The following ZNF875 variants were observed in gnomAD, a reference collection of about 807,000 sequenced individuals.
The protein encoded by ZNF875 is HKR1, GLI-Kruppel zinc finger family member.
A neutral mutation model predicts 11.2 loss-of-function variants in ZNF875; 14 were observed. The observed-to-expected ratio is 1.26, with a 90% CI of 0.83 to 1.96. The LOEUF (loss-of-function observed/expected upper bound fraction) is 1.96, where lower values mean the gene tolerates loss of function less well. ZNF875 is among the 30% of genes most tolerant of loss of function. The pLI is 0.00. For missense variants in ZNF875, 752 were observed against 760.4 expected (o/e 0.99, Z 0.13); for synonymous variants, 301 against 281.1 (o/e 1.07, Z -0.71).
At chr19:37,350,139 G>C (rs1196742929) in intron 4 of ZNF875, among the ~76,000 whole-genome samples, 2 of 112,002 alleles carry the variant, frequency 1.8e-5, no homozygotes, top group Non-Finnish European at 3.4e-5. Context: ...TTAATACAGA[G>C]TCTCGCTCTG....
intron 2 of ZNF875, among the ~76,000 whole-genome samples, chr19:37,338,178 A>G (rs568460674): frequency 6.4e-4 from 98 of 152,262 alleles, no homozygotes; most frequent in African/African-American, 2.3e-3. Flanking sequence ...GCTGCAGTGC[A>G]GTGGCACGAT....
At chr19:37,341,707 G>T (rs887919808) in intron 2 of ZNF875, among the ~76,000 whole-genome samples, 4 of 152,088 alleles carry the variant, frequency 2.6e-5, no homozygotes, top group Admixed American at 6.5e-5. Context: ...CCCCTCCCAA[G>T]ATCCCCAAAA....
chr19:37,334,530 G>T (rs1672012309), upstream of ZNF875: 3 of 364,588 alleles, frequency 8.2e-6, no homozygotes, highest in Admixed American at 7.0e-5. Context: ...GTCACCCTGT[G>T]TGGTGGGCAA....
At chr19:37,336,801 G>T (rs541994290) in intron 2 of ZNF875, among the ~76,000 whole-genome samples, 1 of 151,746 alleles carries the variant, frequency 6.6e-6, no homozygotes, top group African/African-American at 2.4e-5. Flanking sequence ...CCAGCTACTC[G>T]GGAGGCTGAG....
At chr19:37,343,572 C>T (rs1600077375) in intron 2 of ZNF875, among the ~76,000 whole-genome samples, 2 of 152,194 alleles carry the variant, frequency 1.3e-5, no homozygotes, top group South Asian at 4.2e-4. Context: ...TGGGATGCTT[C>T]AATTCCTGGT....
intron 4 of ZNF875, among the ~76,000 whole-genome samples, chr19:37,350,978 A>G (rs572369490): frequency 2.0e-5 from 3 of 151,696 alleles, no homozygotes; most frequent in African/African-American, 7.2e-5. Context: ...CTAATTTTGT[A>G]TTTTTAGTAG....
chr19:37,358,978 G>A (rs2039445078), intron 4 of ZNF875, among the ~76,000 whole-genome samples: 1 of 151,756 alleles, frequency 6.6e-6, no homozygotes, highest in Non-Finnish European at 1.5e-5. Flanking sequence ...TCGGCTCACT[G>A]CAACCTCTGC....
At chr19:37,315,624 C>T (rs2030145627), upstream of ZNF875, 2 of 151,994 alleles carry the variant, frequency 1.3e-5, no homozygotes, top group Admixed American at 6.6e-5. Flanking sequence ...TGAGTCAGTC[C>T]GTCGCGATTC....
intron 4 of ZNF875, among the ~76,000 whole-genome samples, chr19:37,354,516 T>G (rs1045355710): frequency 2.0e-5 from 3 of 151,986 alleles, no homozygotes; most frequent in African/African-American, 7.3e-5. Flanking sequence ...GTTAGTGGGC[T>G]TCCTCATACT....
chr19:37,324,499 T>C (rs1256111843), intron 4 of ZNF875, among the ~76,000 whole-genome samples: 8 of 152,190 alleles, frequency 5.3e-5, no homozygotes, highest in African/African-American at 9.7e-5. Flanking sequence ...CCTGAGTAGT[T>C]TCCAGGTTAA....
At chr19:37,324,810 T>G (rs996611278) in intron 4 of ZNF875, 4 of 164,320 alleles carry the variant, frequency 2.4e-5, no homozygotes, top group African/African-American at 9.7e-5. Flanking sequence ...AGTCTCGCTC[T>G]GTTGCCCAGG....
chr19:37,328,013 G>A (rs1599896943), intron 4 of ZNF875, among the ~76,000 whole-genome samples: 1 of 152,078 alleles, frequency 6.6e-6, no homozygotes. Context: ...AGGCCAAGGC[G>A]GGCGGATCAC....
upstream of ZNF875, among the ~76,000 whole-genome samples, chr19:37,315,859 T>G (rs1256120353): frequency 1.3e-5 from 2 of 152,028 alleles, no homozygotes; most frequent in Admixed American, 6.6e-5. Flanking sequence ...TCTGGAAAGA[T>G]TTCTCTAGAG....
Position 37,362,515 on chromosome 19 carries a change from A to C in ZNF875, c.663A>C (p.Ser221=), listed in dbSNP as rs1428644388. The change falls in exon 5 of 5, where the codon TCA becomes TCC. Residue 221 remains serine (S), a synonymous_variant. Coordinates refer to ENST00000392153, the MANE Select transcript of ZNF875 (RefSeq NM_001353803.2). ...AAGTATTGCATGGTTTAGAAGTCTC[A>C]GGATTTGGAGAAATCAAATATGAAG... is the stretch of plus-strand genomic sequence containing the variant. ...TDKVLHGLEV[S]GFGEIKYEEF... is the part of the protein sequence containing the mutation. 14 of 1,614,128 alleles carry C rather than the reference A, an allele frequency of 8.7e-6. No homozygotes were observed. Among genetic ancestry groups the C allele is most frequent in the Non-Finnish European group, 1.2e-5 (14 of 1,180,056 alleles).
chr19:37,318,349 A>G (rs2145614150), intron 1 of ZNF875, among the ~76,000 whole-genome samples: 1 of 152,192 alleles, frequency 6.6e-6, no homozygotes, highest in African/African-American at 2.4e-5. Context: ...AAAGCACCCC[A>G]ACCTTTAAAA....
At chr19:37,333,601 G>T (rs2033736834), upstream of ZNF875, among the ~76,000 whole-genome samples, 1 of 152,092 alleles carries the variant, frequency 6.6e-6, no homozygotes. Context: ...TGCCTTGTGG[G>T]TGTGGCTTTG....
rs533875907 is a variant in ZNF875 at position 37,320,491 on chromosome 19, A to G, written c.-746-1694A>G. 3.3e-5 allele frequency among the ~76,000 whole-genome samples: 5 copies of G among 152,336 alleles called. No individual in the cohort carries two copies. In the East Asian group the frequency reaches 5.8e-4, roughly 18 times the overall value. On this transcript the variant is annotated intron_variant, in intron 1 of 5. Coordinates refer to the ZNF875 transcript ENST00000544914. Reference sequence around the variant, plus strand: ...TGTTAAAGTGGCTGTTACAGACACTATTACTATGTCAGGAATTACACCAAA... The same window carrying G: ...TGTTAAAGTGGCTGTTACAGACACTGTTACTATGTCAGGAATTACACCAAA...
At chr19:37,349,292 A>G (rs2037402428) in intron 4 of ZNF875, among the ~76,000 whole-genome samples, 1 of 152,158 alleles carries the variant, frequency 6.6e-6, no homozygotes, top group African/African-American at 2.4e-5. Flanking sequence ...GGACTCCAAT[A>G]TGTCATTTTT....
intron 2 of ZNF875, among the ~76,000 whole-genome samples, chr19:37,339,544 G>GTTTTT (rs572775539): frequency 6.9e-5 from 8 of 115,746 alleles, no homozygotes; most frequent in East Asian, 2.6e-4. Flanking sequence ...AACCCTGCCA[G>GTTTTT]TTTTTTTTTT....
Sources: allele counts gnomAD v4.1 joint callset (sites outside exome capture counted in the v4.1 genomes callset), GRCh38; gene constraint gnomAD v4.1.1; transcripts MANE v1.5; gene names NCBI Gene and HGNC (gene_info 2026-07-23, HGNC 2026-07-21).